QTMAN: variants seen among roughly 807,000 people sequenced by gnomAD.
QTMAN encodes queuosine-tRNA mannosyltransferase.
the QTMAN span, among the ~76,000 whole-genome samples, chr2:144,248,254 G>A: frequency 6.6e-6 from 1 of 152,074 alleles, no homozygotes; most frequent in South Asian, 2.1e-4. Flanking sequence ...AATATTTAGT[G>A]GACATGGAGA....
the QTMAN span, among the ~76,000 whole-genome samples, chr2:144,024,185 T>C: frequency 3.9e-5 from 6 of 152,248 alleles, no homozygotes; most frequent in South Asian, 2.1e-4. Flanking sequence ...ATACCAAAAA[T>C]TGTGTTACAA....
At chr2:144,137,192 A>G in the QTMAN span, among the ~76,000 whole-genome samples, 5 of 152,146 alleles carry the variant, frequency 3.3e-5, no homozygotes, top group Non-Finnish European at 7.4e-5. Flanking sequence ...ACTTCTGCCA[A>G]AAGTGGATTA....
chr2:144,322,855 A>G, the QTMAN span, among the ~76,000 whole-genome samples: 1 of 152,180 alleles, frequency 6.6e-6, no homozygotes, highest in Non-Finnish European at 1.5e-5. Context: ...TGAGTTATAC[A>G]GATATTACAA....
chr2:143,964,051 G>C, the QTMAN span: 1 of 152,006 alleles, frequency 6.6e-6, no homozygotes, highest in Non-Finnish European at 1.5e-5. Flanking sequence ...TAAATCACTA[G>C]ACTGCTATAA....
the QTMAN span, among the ~76,000 whole-genome samples, chr2:143,975,571 A>T: frequency 6.6e-6 from 1 of 152,336 alleles, no homozygotes; most frequent in South Asian, 2.1e-4. Flanking sequence ...TCTCTTTCTG[A>T]GCACACAGAA....
chr2:144,301,808 G>A, the QTMAN span, among the ~76,000 whole-genome samples: 1 of 152,170 alleles, frequency 6.6e-6, no homozygotes, highest in Non-Finnish European at 1.5e-5. Flanking sequence ...GAAGGCCACT[G>A]CCACTCCTCC....
the QTMAN span, chr2:144,007,540 T>C: frequency 7.8e-6 from 12 of 1,530,794 alleles, no homozygotes; most frequent in Non-Finnish European, 1.1e-5. Flanking sequence ...ATGAATCTGT[T>C]ACAAAAAAAG....
the QTMAN span, among the ~76,000 whole-genome samples, chr2:144,017,137 T>C: frequency 1.3e-5 from 2 of 151,970 alleles, no homozygotes; most frequent in African/African-American, 4.8e-5. Context: ...CCTGAGTAGC[T>C]GGGATTACAG....
chr2:144,327,082 T>G, the QTMAN span, among the ~76,000 whole-genome samples: 1 of 152,098 alleles, frequency 6.6e-6, no homozygotes, highest in South Asian at 2.1e-4. Flanking sequence ...CCACAGAGGA[T>G]CCCATTCTAT....
the QTMAN span, among the ~76,000 whole-genome samples, chr2:144,180,455 T>A: frequency 6.6e-6 from 1 of 152,110 alleles, no homozygotes; most frequent in Non-Finnish European, 1.5e-5. Flanking sequence ...TTAAAAAAAA[T>A]TAGAGTATTC....
At chr2:144,169,672 A>G in the QTMAN span, among the ~76,000 whole-genome samples, 1 of 152,018 alleles carries the variant, frequency 6.6e-6, no homozygotes, top group East Asian at 1.9e-4. Context: ...TTTTGCTTCA[A>G]TGGTCTTCAG....
the QTMAN span, among the ~76,000 whole-genome samples, chr2:144,239,050 C>A: frequency 6.6e-6 from 1 of 151,578 alleles, no homozygotes; most frequent in Admixed American, 6.6e-5. Flanking sequence ...CAGAGACATA[C>A]AACAAATAGG....
the QTMAN span, among the ~76,000 whole-genome samples, chr2:144,226,165 A>G: frequency 6.6e-6 from 1 of 152,334 alleles, no homozygotes; most frequent in African/African-American, 2.4e-5. Context: ...AAAGATAAAG[A>G]CAGTAAAAAA....
At chr2:143,983,279 C>T in the QTMAN span, among the ~76,000 whole-genome samples, 3 of 152,048 alleles carry the variant, frequency 2.0e-5, no homozygotes, top group Non-Finnish European at 2.9e-5. Context: ...GCCAGGCAAA[C>T]AGTAAATATA....
At chr2:144,127,892 C>G in the QTMAN span, 1 of 151,998 alleles carries the variant, frequency 6.6e-6, no homozygotes, top group African/African-American at 2.4e-5. Flanking sequence ...ACATGAAACT[C>G]TCCCTTACCC....
the QTMAN span, among the ~76,000 whole-genome samples, chr2:144,083,451 G>C: frequency 1.3e-5 from 2 of 152,082 alleles, no homozygotes; most frequent in Non-Finnish European, 2.9e-5. Flanking sequence ...CACTCAGCCA[G>C]TCCTACCCAA....
chr2:144,229,425 T>C, the QTMAN span, among the ~76,000 whole-genome samples: 4 of 152,220 alleles, frequency 2.6e-5, no homozygotes, highest in African/African-American at 4.8e-5. Context: ...AGGGTAATGA[T>C]AGAGTAAAGA....
chr2:144,286,018 T>A, the QTMAN span, among the ~76,000 whole-genome samples: 2,189 of 152,310 alleles, frequency 0.014, 24 homozygotes, highest in Non-Finnish European at 0.024. Flanking sequence ...AAGTAAATTA[T>A]AAATAGACAA....
At chr2:144,231,868 G>A in the QTMAN span, among the ~76,000 whole-genome samples, 1 of 133,566 alleles carries the variant, frequency 7.5e-6, no homozygotes, top group Admixed American at 7.6e-5. Flanking sequence ...GTGTGTGTGT[G>A]TGTGTGTGTG....
Sources: gnomAD v4.1 joint callset for allele counts (sites outside exome capture counted in the v4.1 genomes callset) on GRCh38, gnomAD v4.1.1 for gene constraint, MANE v1.5 for transcripts, NCBI Gene and HGNC (gene_info 2026-07-23, HGNC 2026-07-21) for gene names.